Variants in ELL2 observed in about 807,000 individuals in gnomAD.
ELL2 encodes elongation factor for RNA polymerase II 2.
ELL2 carries 21 observed loss-of-function variants against 72.8 expected under a neutral mutation model. The observed-to-expected ratio is 0.29, with a 90% confidence interval of 0.20 to 0.42. The LOEUF (loss-of-function observed/expected upper bound fraction) is 0.42, where lower values mean the gene tolerates loss of function less well. Among genes scored for constraint, ELL2 ranks in the 10% least tolerant of loss-of-function variants. The probability of loss-of-function intolerance (pLI) is 1.00; values close to 1 mark genes in which losing one functional copy is unlikely to be tolerated. For missense variants in ELL2, 568 were observed against 772.8 expected, an observed-to-expected ratio of 0.73 and a Z score of 3.14; for synonymous variants, 266 against 283.2, an observed-to-expected ratio of 0.94 and a Z score of 0.61.
intron 5 of ELL2, among the ~76,000 whole-genome samples, chr5:95,901,627 G>A (rs1338194607): frequency 4.6e-5 from 7 of 152,016 alleles, no homozygotes; most frequent in Non-Finnish European, 7.4e-5. Flanking sequence ...TGCGCTTTGG[G>A]GCCATTACTA....
At chr5:95,942,929 G>T in intron 2 of ELL2, 73 bp downstream of exon 2, 1 of 1,228,084 alleles carries the variant, frequency 8.1e-7, no homozygotes. Context: ...AGGGTCAACT[G>T]AAAACGGATT....
At chr5:95,932,102 G>A (rs1358228876) in intron 2 of ELL2, among the ~76,000 whole-genome samples, 2 of 151,730 alleles carry the variant, frequency 1.3e-5, no homozygotes, top group African/African-American at 4.8e-5. Context: ...GCAGAGTCTG[G>A]TTTACTCCAT....
Position 95,938,787 on chromosome 5 carries a change from T to C in ELL2, c.195+4215A>G, listed in dbSNP as rs146319905. 8.6e-3 allele frequency among the ~76,000 whole-genome samples: 1,308 copies of C among 152,310 alleles called. 17 individuals carry two copies. The highest frequency in any genetic ancestry group is 0.03 in the African/African-American group (1,261 of 41,548). On this transcript the variant is annotated intron_variant, in intron 2 of 11. Transcript: ENST00000237853. ...AAACTATTTTCTAAAGCCTCTGGGA[T>C]TGCTGAGTCTGAAAGTAAGCAACTA...
chr5:95,948,665 C>A (rs1024882365), intron 1 of ELL2, among the ~76,000 whole-genome samples: 2 of 152,126 alleles, frequency 1.3e-5, no homozygotes, highest in Non-Finnish European at 2.9e-5. Flanking sequence ...TTGCTGAATA[C>A]ATTCCCATTA....
chr5:95,919,766 C>A (rs1749976279), intron 2 of ELL2, among the ~76,000 whole-genome samples: 1 of 152,196 alleles, frequency 6.6e-6, no homozygotes, highest in African/African-American at 2.4e-5. Context: ...CTTTAAGTGT[C>A]AGTAATCACT....
rs781174690 is a variant in ELL2, at chr5:95,888,889, T to C, written c.1905A>G (p.Gln635=). 6.2e-6 allele frequency: 10 copies of C among 1,609,524 alleles called. No individual in the cohort carries two copies. Among genetic ancestry groups the C allele is most frequent in the Non-Finnish European group, 8.5e-6 (10 of 1,179,036 alleles). ...CAGAGTTCTAGGACCATGACTCTGC[T>C]TGCTGTTGGTCAAATTCACCTATTA... is the stretch of plus-strand genomic sequence containing the variant. The part of the protein sequence containing the change: ...KRLIGEFDQQ[Q]AESWS Residue 635 remains glutamine, a synonymous_variant, in exon 12 of 12, where the codon CAA becomes CAG. Transcript: ENST00000237853.
intron 1 of ELL2, among the ~76,000 whole-genome samples, chr5:95,945,939 A>C (rs1012873057): frequency 3.3e-5 from 5 of 152,246 alleles, no homozygotes; most frequent in Admixed American, 2.0e-4. Flanking sequence ...TAAGTTTCAG[A>C]CCTCAGGATG....
intron 1 of ELL2, among the ~76,000 whole-genome samples, chr5:95,954,947 T>A (rs1295825515): frequency 1.3e-5 from 2 of 152,230 alleles, no homozygotes. Context: ...CTACTCTGTT[T>A]ACAGAATAAA....
intron 2 of ELL2, among the ~76,000 whole-genome samples, chr5:95,927,746 TATGTGTGTATATAG>T (rs1561505309): frequency 1.5e-5 from 1 of 68,408 alleles, no homozygotes; most frequent in African/African-American, 1.1e-4. Context: ...CACACACACA[TATGTGTGTATATAG>T]ACATACACAC....
chr5:95,907,296 A>ATATATATATATATTTTTTT, intron 4 of ELL2, among the ~76,000 whole-genome samples: 22 of 116,482 alleles, frequency 1.9e-4, no homozygotes, highest in African/African-American at 9.0e-4. Context: ...ATATATATAT[A>ATATATATATATATTTTTTT]TTTTTTTTTT....
intron 3 of ELL2, among the ~76,000 whole-genome samples, chr5:95,915,461 A>G (rs1225652441): frequency 1.3e-5 from 2 of 152,266 alleles, no homozygotes; most frequent in African/African-American, 4.8e-5. Context: ...AAAAACACAC[A>G]CACAAAAACC....
chr5:95,938,190 T>C (rs73771810), intron 2 of ELL2, among the ~76,000 whole-genome samples: 4,972 of 152,274 alleles, frequency 0.033, 274 homozygotes, highest in African/African-American at 0.11. Context: ...TTAATGACTC[T>C]ACTGAAAGAG....
chr5:95,939,262 G>A (rs928752472), intron 2 of ELL2, among the ~76,000 whole-genome samples: 3 of 152,136 alleles, frequency 2.0e-5, no homozygotes, highest in African/African-American at 4.8e-5. Context: ...CTGAGTGGAG[G>A]GTTCTGGATG....
intron 5 of ELL2, among the ~76,000 whole-genome samples, chr5:95,905,321 A>G (rs1012730272): frequency 3.3e-5 from 5 of 152,164 alleles, no homozygotes; most frequent in African/African-American, 1.2e-4. Flanking sequence ...CCATATATCA[A>G]TAGTAGTCTA....
intron 9 of ELL2, among the ~76,000 whole-genome samples, chr5:95,895,027 A>C (rs1157096053): frequency 6.6e-6 from 1 of 152,212 alleles, no homozygotes; most frequent in African/African-American, 2.4e-5. Context: ...AAAAAGCTAG[A>C]ATTATGTGTC....
intron 1 of ELL2, among the ~76,000 whole-genome samples, chr5:95,953,581 G>A (rs978527725): frequency 6.6e-6 from 1 of 152,212 alleles, no homozygotes; most frequent in African/African-American, 2.4e-5. Flanking sequence ...GAGTGAAAAA[G>A]TCTTCCAGAC....
intron 1 of ELL2, among the ~76,000 whole-genome samples, chr5:95,961,127 A>C (rs1252259375): frequency 6.6e-6 from 1 of 152,084 alleles, no homozygotes; most frequent in South Asian, 2.1e-4. Flanking sequence ...CACCGTGCCT[A>C]TGTAACTGGA....
chr5:95,919,688 G>T, intron 2 of ELL2, 143 bp from the exon 3 acceptor site: 1 of 941,656 alleles, frequency 1.1e-6, no homozygotes, highest in Non-Finnish European at 1.5e-6. Context: ...GCATTTAAAT[G>T]ACCAAACAAT....
At chr5:95,911,124 C>T (rs928779491) in intron 4 of ELL2, among the ~76,000 whole-genome samples, 3 of 152,152 alleles carry the variant, frequency 2.0e-5, no homozygotes, top group Non-Finnish European at 2.9e-5. Context: ...CTGGATGAAT[C>T]AGACAGTTTT....
Sources: gnomAD v4.1 joint callset for allele counts (sites outside exome capture counted in the v4.1 genomes callset) on GRCh38, gnomAD v4.1.1 for gene constraint, MANE v1.5 for transcripts, NCBI Gene and HGNC (gene_info 2026-07-23, HGNC 2026-07-21) for gene names.